Variants in TNS1 observed in about 807,000 individuals in gnomAD.
TNS1 encodes tensin-1.
In TNS1, 62 loss-of-function variants were observed where a neutral mutation model predicts 168.6. The observed-to-expected ratio is 0.37, with a 90% confidence interval of 0.30 to 0.45. The LOEUF (loss-of-function observed/expected upper bound fraction) is 0.45, where lower values mean the gene tolerates loss of function less well. Ranked by LOEUF, TNS1 falls within the 20% of genes least tolerant of loss-of-function variation. TNS1 has a pLI of 1.00. For synonymous variants in TNS1, 934 were observed against 933.2 expected, an observed-to-expected ratio of 1.00 and a Z score of -0.02; for missense variants, 2,240 against 2,339.4, an observed-to-expected ratio of 0.96 and a Z score of 0.88.
chr2:217,912,335 C>T (rs1390156511), intron 4 of TNS1, among the ~76,000 whole-genome samples: 1 of 152,230 alleles, frequency 6.6e-6, no homozygotes, highest in Non-Finnish European at 1.5e-5. Context: ...GCGCAGAATG[C>T]GGGCTCAGCC....
chr2:217,804,362 A>G lies in TNS1; in HGVS notation c.*97T>C, dbSNP rs1937998362. 3 of 1,521,264 alleles carry G rather than the reference A, an allele frequency of 2.0e-6. No individual in the cohort carries two copies. In the Admixed American group the frequency reaches 6.1e-5, roughly 31 times the overall value. The allele number at this position is 1,521,264 out of a possible 1,614,324, so 94.2% of individuals were successfully genotyped here. ...TTCTTCTCTCCTCCGAAATTGGCCC[A>G]AAGTCCTCCTTCTGGGTTCAAGAGT... On this transcript the variant is annotated 3_prime_UTR_variant, in exon 33 of 33. Transcript: ENST00000682258.
intron 22 of TNS1, among the ~76,000 whole-genome samples, chr2:217,827,353 A>AT (rs1943765759): frequency 6.6e-6 from 1 of 152,140 alleles, no homozygotes; most frequent in Non-Finnish European, 1.5e-5. Context: ...CCTCACTGGC[A>AT]TTTTTTTCTG....
intron 18 of TNS1, among the ~76,000 whole-genome samples, chr2:217,876,684 T>C (rs1375409525): frequency 6.6e-6 from 1 of 151,992 alleles, no homozygotes; most frequent in East Asian, 1.9e-4. Flanking sequence ...AAAGAGGCAA[T>C]TAAGGTGAAA....
At chr2:218,031,318 G>T (rs12989315) in intron 1 of TNS1, among the ~76,000 whole-genome samples, 6 of 139,748 alleles carry the variant, frequency 4.3e-5, no homozygotes, top group South Asian at 4.8e-4. Context: ...TATGAGTGTG[G>T]GTGTGTGAGC....
Position 217,886,051 on chromosome 2 carries a change from C to T in TNS1, c.1033G>A (p.Gly345Ser). Residue 345 changes from glycine to serine, a missense_variant, in exon 14 of 33, where the codon GGC (glycine) becomes AGC (serine). By Grantham distance (56) the Gly-to-Ser change is moderately conservative. Transcript: ENST00000682258. ...YQAMQPVYTS[G>S]IYNIPGDSQT... Reference sequence around the variant, plus strand: ...CGCCCATGTAATACTTACTAGATGCCAGATGTGTACACAGGTTGCATGGCC... The same window carrying T: ...CGCCCATGTAATACTTACTAGATGCTAGATGTGTACACAGGTTGCATGGCC... 5 of 1,614,014 alleles carry T rather than the reference C, an allele frequency of 3.1e-6. No homozygotes were observed. The highest frequency in any genetic ancestry group is 2.2e-5 in the East Asian group (1 of 44,862).
chr2:217,884,105 A>T (rs1408119370), intron 16 of TNS1, among the ~76,000 whole-genome samples: 1 of 126,982 alleles, frequency 7.9e-6, no homozygotes, highest in African/African-American at 3.1e-5. Flanking sequence ...CCCGACACAT[A>T]CAGACACACA....
chr2:218,026,733 TCAGGAGACTCCAGTCC>T (rs1958852337), intron 1 of TNS1, among the ~76,000 whole-genome samples: 2 of 152,188 alleles, frequency 1.3e-5, no homozygotes, highest in African/African-American at 4.8e-5. Flanking sequence ...AGCACCCAGA[TCAGGAGACTCCAGTCC>T]CACTCTTCCC....
intron 3 of TNS1, among the ~76,000 whole-genome samples, chr2:217,969,558 A>T (rs1043722635): frequency 6.6e-6 from 1 of 152,232 alleles, no homozygotes; most frequent in African/African-American, 2.4e-5. Flanking sequence ...TGTATCCTGA[A>T]CGTATAAAGA....
intron 2 of TNS1, chr2:217,985,718 G>C (rs1169230122): frequency 6.6e-6 from 1 of 152,118 alleles, no homozygotes; most frequent in Admixed American, 6.6e-5. Flanking sequence ...CACTGTGCCC[G>C]GCTTTTGTCC....
chr2:218,022,067 G>A (rs1487033185), intron 1 of TNS1, among the ~76,000 whole-genome samples: 1 of 152,192 alleles, frequency 6.6e-6, no homozygotes, highest in Non-Finnish European at 1.5e-5. Flanking sequence ...GGGGGGCGAG[G>A]AGGAACAGAC....
intron 21 of TNS1, 134 bp from the exon 22 acceptor site, chr2:217,831,681 G>T: frequency 1.7e-6 from 1 of 580,100 alleles, no homozygotes; most frequent in African/African-American, 2.0e-5. Context: ...CTGAGGCCCA[G>T]CGCTTTGGCT....
Position 217,818,103 on chromosome 2 carries a change from C to T in TNS1, c.4229G>A (p.Gly1410Glu). ...GCTGCCGGGAACCACAGATCCAGAC[C>T]CTCCGAGGTGACGGCCCAGGCTGGG... Reference protein sequence around the residue: ...GSPSLGRHLGGSGSVVPGSPC... With the variant: ...GSPSLGRHLGESGSVVPGSPC... The change falls in exon 24 of 33, where the codon GGG becomes GAG. Residue 1410 changes from glycine (G) to glutamate (E), a missense_variant. This residue lies in a region of TNS1 where 2,131 missense variants were observed against 2,171.2 expected (regional missense o/e 0.98). Coordinates refer to ENST00000682258, the MANE Select transcript of TNS1 (RefSeq NM_001387777.1). The T allele has an allele frequency of 2.5e-6, 4 of 1,613,810 alleles. No individual in the cohort carries two copies. The highest frequency in any genetic ancestry group is 3.4e-6 in the Non-Finnish European group (4 of 1,179,922).
intron 22 of TNS1, among the ~76,000 whole-genome samples, chr2:217,828,389 G>A (rs893986979): frequency 5.3e-5 from 8 of 152,208 alleles, no homozygotes; most frequent in Non-Finnish European, 2.9e-5. Flanking sequence ...GAAAATCAAG[G>A]TGGTGTGGTC....
intron 8 of TNS1, among the ~76,000 whole-genome samples, chr2:217,896,352 G>C (rs922181711): frequency 2.0e-5 from 3 of 152,202 alleles, no homozygotes; most frequent in African/African-American, 7.2e-5. Flanking sequence ...CTTTGCCAGT[G>C]TAAGTAGTTA....
chr2:217,966,079 CT>C, intron 3 of TNS1, among the ~76,000 whole-genome samples: 1 of 152,300 alleles, frequency 6.6e-6, no homozygotes. Context: ...TACCCTCCCC[CT>C]CTCTCTAACT....
rs182161541 is a variant in TNS1 at position 217,894,660 on chromosome 2, A to C, written c.594+346T>G. Reference sequence around the variant, plus strand: ...CGACAGAGGGGGACTGCATCTCAAAAAAACAAACAAACAAACAAAAAAACC... The same window carrying C: ...CGACAGAGGGGGACTGCATCTCAAACAAACAAACAAACAAACAAAAAAACC... On this transcript the variant is annotated intron_variant, in intron 9 of 32. Transcript: ENST00000682258. Among the ~76,000 whole-genome samples, 256 of 152,152 alleles carry C rather than the reference A, an allele frequency of 1.7e-3. 1 individual carries two copies. Among genetic ancestry groups the C allele is most frequent in the African/African-American group, 5.8e-3 (239 of 41,504 alleles).
chr2:217,899,160 C>G (rs1317758644), intron 7 of TNS1, among the ~76,000 whole-genome samples: 1 of 152,138 alleles, frequency 6.6e-6, no homozygotes, highest in East Asian at 1.9e-4. Context: ...GGGTTCAATC[C>G]CAGTCCAGGT....
chr2:217,899,428 C>G (rs61374287), intron 7 of TNS1, among the ~76,000 whole-genome samples: 1 of 152,188 alleles, frequency 6.6e-6, no homozygotes, highest in African/African-American at 2.4e-5. Context: ...AGAAGCCACA[C>G]GCACACATAC....
Position 217,848,090 on chromosome 2 carries a change from T to C in TNS1, c.2427A>G (p.Pro809=), listed in dbSNP as rs139937609. Reference sequence around the variant, plus strand: ...GACTGGGGATGGGGGTCTCTGCCAATGGCTGAGGGCTGGGCCTGCTGGCTA... The same window carrying C: ...GACTGGGGATGGGGGTCTCTGCCAACGGCTGAGGGCTGGGCCTGCTGGCTA... ...SLVASRPSPQ[P]LAETPIPSLP... The change falls in exon 19 of 33, where the codon CCA becomes CCG. Residue 809 remains proline (P), a synonymous_variant. Transcript: ENST00000682258. The C allele has an allele frequency of 1.3e-6, 2 of 1,556,062 alleles. No homozygotes were observed. The highest frequency in any genetic ancestry group is 1.7e-6 in the Non-Finnish European group (2 of 1,151,590).
Sources: gnomAD v4.1 joint callset for allele counts (sites outside exome capture counted in the v4.1 genomes callset) on GRCh38, gnomAD v4.1.1 for gene constraint, gnomAD v4.1.1 regional missense constraint, MANE v1.5 for transcripts, NCBI Gene and HGNC (gene_info 2026-07-23, HGNC 2026-07-21) for gene names.